The following KIF2A variants were observed in gnomAD, a reference collection of about 807,000 sequenced individuals.
The protein encoded by KIF2A is kinesin family member 2A, also known as kinesin-like protein KIF2A.
In KIF2A, 22 loss-of-function variants were observed where a neutral mutation model predicts 100.2. The observed-to-expected ratio is 0.22, with a 90% CI of 0.16 to 0.31. The LOEUF (loss-of-function observed/expected upper bound fraction) is 0.31. Ranked by LOEUF, KIF2A falls within the 10% of genes least tolerant of loss-of-function variation. The pLI, the probability that KIF2A is intolerant of heterozygous loss-of-function variation, is 1.00. For missense variants in KIF2A, 495 were observed against 898.7 expected (o/e 0.55, Z 5.74); for synonymous variants, 268 against 285.9 (o/e 0.94, Z 0.63).
At chr5:62,331,253 A>T (rs1381394557) in intron 1 of KIF2A, among the ~76,000 whole-genome samples, 1 of 152,100 alleles carries the variant, frequency 6.6e-6, no homozygotes, top group Non-Finnish European at 1.5e-5. Flanking sequence ...CTCTACTAAA[A>T]ATACAGAATT....
At chr5:62,377,986 G>A (rs535500354) in intron 19 of KIF2A, among the ~76,000 whole-genome samples, 3 of 152,170 alleles carry the variant, frequency 2.0e-5, no homozygotes, top group South Asian at 2.1e-4. Context: ...TTTACCTCCC[G>A]TCCCCCTTAT....
chr5:62,342,719 T>G (rs1561262732), intron 1 of KIF2A, among the ~76,000 whole-genome samples: 1 of 152,064 alleles, frequency 6.6e-6, no homozygotes, highest in Non-Finnish European at 1.5e-5. Context: ...ATCTGCATCA[T>G]GGTCTGAAAG....
At chr5:62,320,460 C>A (rs1439986236) in intron 1 of KIF2A, among the ~76,000 whole-genome samples, 1 of 152,116 alleles carries the variant, frequency 6.6e-6, no homozygotes, top group Non-Finnish European at 1.5e-5. Context: ...ATTTACCTTA[C>A]TATCTGCAAA....
chr5:62,368,959 C>T (rs2111974404), intron 16 of KIF2A, among the ~76,000 whole-genome samples: 1 of 152,072 alleles, frequency 6.6e-6, no homozygotes. Flanking sequence ...TAAAATGTTT[C>T]TTATTTCAGA....
chr5:62,344,442 C>T (rs1747455219), intron 1 of KIF2A, among the ~76,000 whole-genome samples: 1 of 151,860 alleles, frequency 6.6e-6, no homozygotes, highest in Admixed American at 6.6e-5. Context: ...CTGACATATT[C>T]ATACTTAAAA....
intron 1 of KIF2A, among the ~76,000 whole-genome samples, chr5:62,315,392 A>G (rs1221731314): frequency 6.6e-6 from 1 of 152,190 alleles, no homozygotes; most frequent in African/African-American, 2.4e-5. Context: ...CTTGTCACAC[A>G]TTAGTGATTC....
rs1209982176 is a variant in KIF2A, at chr5:62,377,726, A to G, written c.1977A>G (p.Glu659=). The change falls in exon 19 of 21, where the codon GAA becomes GAG. Residue 659 remains glutamate, a synonymous_variant. Transcript: ENST00000407818. Reference sequence around the variant, plus strand: ...CTGTTTCACAAATGGTAGAAATGGAAGAACAAGTTGTAGAAGATCACAGGG... The same window carrying G: ...CTGTTTCACAAATGGTAGAAATGGAGGAACAAGTTGTAGAAGATCACAGGG... ...HEAVSQMVEM[E]EQVVEDHRAV... 3 of 1,556,978 alleles carry G rather than the reference A, an allele frequency of 1.9e-6. No homozygotes were observed. Among genetic ancestry groups the G allele is most frequent in the Admixed American group, 1.9e-5 (1 of 52,402 alleles).
intron 1 of KIF2A, among the ~76,000 whole-genome samples, chr5:62,323,088 C>T (rs1454245380): frequency 6.6e-6 from 1 of 151,682 alleles, no homozygotes; most frequent in East Asian, 1.9e-4. Context: ...GAAACCTCAT[C>T]TCTGCTAAAA....
At chr5:62,373,927 C>G in intron 18 of KIF2A, 90 bp downstream of exon 18, 1 of 1,084,672 alleles carries the variant, frequency 9.2e-7, no homozygotes. Context: ...AATGAGGTGT[C>G]AGGCTGTGGG....
intron 3 of KIF2A, among the ~76,000 whole-genome samples, chr5:62,349,630 T>C (rs1351954985): frequency 6.6e-6 from 1 of 152,220 alleles, no homozygotes; most frequent in Non-Finnish European, 1.5e-5. Context: ...TTTTATAGTA[T>C]TCTGATATTT....
chr5:62,390,240 C>A lies in KIF2A; in HGVS notation c.*4671C>A, dbSNP rs912646851. ...AACAGTAAGTACAGGTTAGTAATTA[C>A]CTGGGTAATTAATTGAAGCCTTATT... On this transcript the variant is annotated 3_prime_UTR_variant, in exon 21 of 21. Transcript: ENST00000407818. 5.3e-5 allele frequency among the ~76,000 whole-genome samples: 8 copies of A among 152,242 alleles called. No homozygotes were observed. Among genetic ancestry groups the A allele is most frequent in the African/African-American group, 1.9e-4 (8 of 41,550 alleles).
At chr5:62,308,422 C>A in intron 1 of KIF2A, 1 of 1,189,328 alleles carries the variant, frequency 8.4e-7, no homozygotes, top group South Asian at 1.3e-5. Context: ...AGGAAATCAC[C>A]ACCTTGTGAA....
Position 62,363,263 on chromosome 5 carries a change from G to T in KIF2A, c.1205G>T (p.Arg402Leu). The T allele has an allele frequency of 6.2e-7, 1 of 1,613,610 alleles. No homozygotes were observed. Among genetic ancestry groups the T allele is most frequent in the Non-Finnish European group, 8.5e-7 (1 of 1,179,626 alleles). ...GTTCAAGTGGTGGGATTACAGGAAC[G>T]GGAGGTCAAATGTGTTGAAGATGTA... Reference protein sequence around the residue: ...QQVQVVGLQEREVKCVEDVLK... With the variant: ...QQVQVVGLQELEVKCVEDVLK... Residue 402 changes from arginine to leucine, a missense_variant, in exon 13 of 21, where the codon CGG (arginine) becomes CTG (leucine). By Grantham distance (102) the Arg-to-Leu change is moderately radical (BLOSUM62 -2). Transcript: ENST00000407818.
chr5:62,333,977 C>T (rs1487481407), intron 1 of KIF2A, among the ~76,000 whole-genome samples: 1 of 152,116 alleles, frequency 6.6e-6, no homozygotes, highest in East Asian at 1.9e-4. Context: ...TTGCTGAAGC[C>T]ATGGGATACT....
intron 1 of KIF2A, among the ~76,000 whole-genome samples, chr5:62,318,496 G>A (rs1481745450): frequency 6.6e-6 from 1 of 152,192 alleles, no homozygotes; most frequent in Non-Finnish European, 1.5e-5. Flanking sequence ...TTCGCTCTAA[G>A]TATATGGTAA....
At chr5:62,371,866 C>T (rs1469707320) in intron 16 of KIF2A, among the ~76,000 whole-genome samples, 1 of 152,178 alleles carries the variant, frequency 6.6e-6, no homozygotes. Flanking sequence ...AAAGGCTGTT[C>T]TCAACCAGAG....
intron 1 of KIF2A, among the ~76,000 whole-genome samples, chr5:62,311,151 G>C (rs916926146): frequency 6.6e-6 from 1 of 152,146 alleles, no homozygotes; most frequent in Non-Finnish European, 1.5e-5. Context: ...GACTTATCTA[G>C]ATTCATACAA....
At chr5:62,318,761 C>T (rs906458399) in intron 1 of KIF2A, among the ~76,000 whole-genome samples, 2 of 152,238 alleles carry the variant, frequency 1.3e-5, no homozygotes, top group African/African-American at 4.8e-5. Context: ...TATTCTCTTT[C>T]TGGGTAAACT....
intron 7 of KIF2A, among the ~76,000 whole-genome samples, chr5:62,355,942 C>T (rs191992424): frequency 7.7e-4 from 109 of 141,700 alleles, no homozygotes; most frequent in East Asian, 6.0e-3. Flanking sequence ...CCACCACGCC[C>T]GGCTAATTTT....
Sources: allele counts gnomAD v4.1 joint callset (sites outside exome capture counted in the v4.1 genomes callset), GRCh38; gene constraint gnomAD v4.1.1; transcripts MANE v1.5; gene names NCBI Gene and HGNC (gene_info 2026-07-23, HGNC 2026-07-21).